SUN1: variants seen among roughly 807,000 people sequenced by gnomAD.
SUN1 encodes SUN domain-containing protein 1.
SUN1 carries 61 observed loss-of-function variants against 103.2 expected under a neutral mutation model. That is an observed-to-expected ratio of 0.59 (90% CI 0.48 to 0.73). SUN1 has a LOEUF of 0.73. Ranked by LOEUF, SUN1 falls within the 30% of genes least tolerant of loss-of-function variation. SUN1 has a pLI of 0.00. For synonymous variants in SUN1, 490 were observed against 425.7 expected, an observed-to-expected ratio of 1.15 and a Z score of -1.86; for missense variants, 1,052 against 1,034.6, an observed-to-expected ratio of 1.02 and a Z score of -0.23.
intron 16 of SUN1, chr7:868,495 G>A (rs1437481195): frequency 3.3e-6 from 1 of 306,464 alleles, no homozygotes; most frequent in African/African-American, 2.3e-5. Flanking sequence ...GGTCGGATGG[G>A]GGGGCAGTGC....
intron 10 of SUN1, 60 bp from the exon 11 acceptor site, chr7:854,860 T>A: frequency 4.5e-6 from 6 of 1,323,350 alleles, no homozygotes; most frequent in Admixed American, 1.9e-5. Flanking sequence ...TTGGCCTGAT[T>A]TGCCAGGTTT....
chr7:836,936 C>A (rs1187961448), intron 1 of SUN1, among the ~76,000 whole-genome samples: 1 of 152,158 alleles, frequency 6.6e-6, no homozygotes, highest in East Asian at 1.9e-4. Flanking sequence ...GAGGTGGTGA[C>A]GTCAGACGTG....
chr7:848,351 T>C, intron 5 of SUN1: 1 of 1,286,002 alleles, frequency 7.8e-7, no homozygotes, highest in Non-Finnish European at 1.0e-6. Flanking sequence ...TTTGGCTACC[T>C]GACTTATCAG....
chr7:853,253 T>A, intron 9 of SUN1, 156 bp from the exon 10 acceptor site: 1 of 882,828 alleles, frequency 1.1e-6, no homozygotes, highest in Non-Finnish European at 1.7e-6. Context: ...CATGTAAGGA[T>A]CAAACCTGAT....
chr7:844,725 C>T (rs1298537669), intron 5 of SUN1, among the ~76,000 whole-genome samples: 1 of 152,204 alleles, frequency 6.6e-6, no homozygotes, highest in Non-Finnish European at 1.5e-5. Flanking sequence ...GCTGAGCGGC[C>T]ACTCTGCGCC....
At chr7:816,109 C>A, upstream of SUN1, 1 of 281,026 alleles carries the variant, frequency 3.6e-6, no homozygotes, top group Middle Eastern at 7.8e-4. Flanking sequence ...TCCGAAGATG[C>A]AGACCCTTCC....
intron 9 of SUN1, 174 bp from the exon 10 acceptor site, chr7:853,235 T>C (rs1823901324): frequency 6.5e-6 from 5 of 774,858 alleles, no homozygotes. Context: ...GAAGCACCCA[T>C]AGTCAGCCAT....
At position 838,987 on chromosome 7, in the gene SUN1, G is replaced by A; in HGVS notation, c.266+1G>A. ...TCTCCCTGAAGAACCGAGCGGCCAG[G>A]TGAGCACCGCTGCACTTCCTCTCCA... On this transcript the variant is annotated splice_donor_variant, in intron 2 of 18. Coordinates refer to ENST00000401592, the MANE Select transcript of SUN1 (RefSeq NM_001130965.3). LOFTEE classifies it high-confidence loss of function. The A allele has an allele frequency of 6.4e-7, 1 of 1,567,402 alleles. No homozygotes were observed. Among genetic ancestry groups the A allele is most frequent in the Non-Finnish European group, 8.6e-7 (1 of 1,157,836 alleles).
At chr7:847,117 T>C (rs1031911944) in intron 5 of SUN1, among the ~76,000 whole-genome samples, 1 of 152,220 alleles carries the variant, frequency 6.6e-6, no homozygotes, top group African/African-American at 2.4e-5. Context: ...TGTTTGGCAG[T>C]ATCTGAATGT....
intron 5 of SUN1, chr7:850,243 G>T: frequency 1.8e-6 from 1 of 548,962 alleles, no homozygotes; most frequent in East Asian, 3.2e-5. Flanking sequence ...CTGTTGCCCA[G>T]GCTGGAGTGC....
At chr7:842,236 A>G (rs1408632992) in intron 3 of SUN1, 106 bp downstream of exon 3, 7 of 1,254,792 alleles carry the variant, frequency 5.6e-6, no homozygotes, top group Admixed American at 2.4e-5. Flanking sequence ...TGCATGGATT[A>G]TGCTAGGGAG....
In SUN1 at chr7:851,936, GT is replaced by G; in HGVS notation, c.758-10del. ...AAAACATTTCCTTAGAATGTTTGGT[GT>G]TTTCTCTTGTAGGGAAGGCAGCCTC... is the stretch of plus-strand genomic sequence containing the variant. On this transcript the variant is annotated splice_polypyrimidine_tract_variant and intron_variant, in intron 6 of 18. Transcript: ENST00000401592. 1 of 1,613,092 alleles carries G rather than the reference GT, an allele frequency of 6.2e-7. No homozygotes were observed. The highest frequency in any genetic ancestry group is 8.5e-7 in the Non-Finnish European group (1 of 1,179,430).
chr7:861,276 A>T, intron 14 of SUN1, 104 bp from the exon 15 acceptor site: 1 of 1,133,552 alleles, frequency 8.8e-7, no homozygotes, highest in East Asian at 2.4e-5. Flanking sequence ...TTCCGTTGAG[A>T]AGATGCTCTA....
chr7:832,125 A>G (rs1172576088), upstream of SUN1: 2 of 1,005,514 alleles, frequency 2.0e-6, no homozygotes, highest in Non-Finnish European at 2.4e-6. Flanking sequence ...AGTTAGTAAA[A>G]TAAAAACTGA....
intron 10 of SUN1, among the ~76,000 whole-genome samples, chr7:854,533 C>G (rs1022446085): frequency 6.6e-6 from 1 of 152,218 alleles, no homozygotes; most frequent in South Asian, 2.1e-4. Context: ...CCACGATGGC[C>G]CGAGGGGCGC....
In SUN1 at chr7:860,215, T is replaced by A. The variant is rs952973874; in HGVS notation, c.1612T>A (p.Ser538Thr). The change falls in exon 14 of 19, where the codon TCA (serine) becomes ACA (threonine). Residue 538 changes from serine to threonine, a missense_variant. This residue lies in a region of SUN1 where 846 missense variants were observed against 774.5 expected (regional missense o/e 1.09). Transcript: ENST00000401592. ...GSLEQLLQRF[S>T]SQFVSKGDLQ... Reference sequence around the variant, plus strand: ...TCTGGAACAGCTGCTGCAGAGGTTCTCATCACAGTTTGTGAGCAAAGGCGA... The same window carrying A: ...TCTGGAACAGCTGCTGCAGAGGTTCACATCACAGTTTGTGAGCAAAGGCGA... The A allele has an allele frequency of 6.2e-7, 1 of 1,614,258 alleles. No homozygotes were observed. Among genetic ancestry groups the A allele is most frequent in the Admixed American group, 1.7e-5 (1 of 60,028 alleles).
upstream of SUN1, among the ~76,000 whole-genome samples, chr7:827,595 G>T (rs112317014): frequency 6.7e-6 from 1 of 148,438 alleles, no homozygotes; most frequent in Non-Finnish European, 1.5e-5. Context: ...TCAGCCTCCC[G>T]AGTAGCTGGG....
In SUN1 at chr7:873,503, G is replaced by T; in HGVS notation, c.*172G>T. ...TGTGACGGGCGCCTTGGCGCCACCT[G>T]TTGGGTGCTCACTGCCTCTGCAGGT... On this transcript the variant is annotated 3_prime_UTR_variant, in exon 19 of 19. Coordinates refer to ENST00000401592, the MANE Select transcript of SUN1 (RefSeq NM_001130965.3). 2 of 649,204 alleles carry T rather than the reference G, an allele frequency of 3.1e-6. No homozygotes were observed. Among genetic ancestry groups the T allele is most frequent in the East Asian group, 2.7e-5 (1 of 36,774 alleles). The allele number at this position is 649,204 out of a possible 1,614,324, so 40.2% of individuals were successfully genotyped here.
Position 850,060 on chromosome 7 carries a change from A to G in SUN1, c.659-1324A>G, listed in dbSNP as rs761440109. The G allele has an allele frequency of 5.2e-6, 8 of 1,535,106 alleles. No individual in the cohort carries two copies. In the Admixed American group the frequency reaches 1.4e-4, roughly 26 times the overall value. ...TTGTCTCTCGCCCCGTCTCCGTCTCATCTCGCCCTGTCACCATGCTATTTG... is the reference window on the plus strand; with the variant it reads ...TTGTCTCTCGCCCCGTCTCCGTCTCGTCTCGCCCTGTCACCATGCTATTTG... On this transcript the variant is annotated intron_variant, in intron 5 of 18. Transcript: ENST00000401592.
Sources: gnomAD v4.1 joint callset for allele counts (sites outside exome capture counted in the v4.1 genomes callset) on GRCh38, gnomAD v4.1.1 for gene constraint, gnomAD v4.1.1 regional missense constraint, MANE v1.5 for transcripts, NCBI Gene and HGNC (gene_info 2026-07-23, HGNC 2026-07-21) for gene names.